The following HLCS variants were observed in gnomAD, a reference collection of about 807,000 sequenced individuals.
The protein encoded by HLCS is holocarboxylase synthetase.
HLCS carries 53 observed loss-of-function variants against 75.0 expected under a neutral mutation model. That is an observed-to-expected ratio of 0.71 (90% confidence interval 0.57 to 0.89). The LOEUF (loss-of-function observed/expected upper bound fraction) is 0.89. Ranked by LOEUF, HLCS falls within the 40% of genes least tolerant of loss-of-function variation. The pLI is 0.00. For synonymous variants in HLCS, 431 were observed against 428.6 expected, an observed-to-expected ratio of 1.01 and a Z score of -0.07; for missense variants, 966 against 1,074.0, an observed-to-expected ratio of 0.90 and a Z score of 1.41.
At chr21:36,966,797 A>C (rs1262066920), upstream of HLCS, among the ~76,000 whole-genome samples, 4 of 118,722 alleles carry the variant, frequency 3.4e-5, no homozygotes, top group Admixed American at 8.7e-5. Context: ...GACGCGGGCA[A>C]CTGGAGGCTG....
At chr21:36,987,673 CTTTTT>C (rs1474705430) in intron 1 of HLCS, among the ~76,000 whole-genome samples, 1 of 152,094 alleles carries the variant, frequency 6.6e-6, no homozygotes, top group Non-Finnish European at 1.5e-5. Flanking sequence ...ATAAAGGTTC[CTTTTT>C]TATCTTTGTA....
intron 5 of HLCS, among the ~76,000 whole-genome samples, chr21:36,920,994 G>A (rs1270100990): frequency 2.0e-5 from 3 of 151,130 alleles, no homozygotes; most frequent in South Asian, 2.1e-4. Flanking sequence ...TCTTATTTAC[G>A]GAAATTAAAA....
intron 1 of HLCS, among the ~76,000 whole-genome samples, chr21:36,982,238 T>A (rs1477227876): frequency 6.6e-6 from 1 of 152,220 alleles, no homozygotes; most frequent in Non-Finnish European, 1.5e-5. Context: ...CTACTTTGTT[T>A]AGCCATTCTC....
chr21:36,820,379 CCGA>C (rs2061798876), intron 6 of HLCS, among the ~76,000 whole-genome samples: 1 of 151,506 alleles, frequency 6.6e-6, no homozygotes, highest in Non-Finnish European at 1.5e-5. Flanking sequence ...GGCCGGGCCG[CCGA>C]CTGGGATTCC....
rs2089290409 is a variant in HLCS at position 36,749,267 on chromosome 21, C to T, written c.*4979G>A. 2.6e-5 allele frequency: 4 copies of T among 152,702 alleles called. No individual in the cohort carries two copies. The highest frequency in any genetic ancestry group is 4.8e-5 in the African/African-American group (2 of 41,556). 9.5% of individuals were successfully genotyped at this position (152,702 alleles called of 1,614,324 possible). On this transcript the variant is annotated 3_prime_UTR_variant, in exon 11 of 11. Coordinates refer to ENST00000674895, the MANE Select transcript of HLCS (RefSeq NM_001352514.2). ...CTCTGAACTGCACAATGCATTGAACCGCCGTCCTTCAATTTTCTTCACACT... is the reference window on the plus strand; with the variant it reads ...CTCTGAACTGCACAATGCATTGAACTGCCGTCCTTCAATTTTCTTCACACT...
At chr21:36,876,588 T>C (rs984348116) in intron 6 of HLCS, among the ~76,000 whole-genome samples, 4 of 152,232 alleles carry the variant, frequency 2.6e-5, no homozygotes, top group Non-Finnish European at 4.4e-5. Flanking sequence ...TATTGATTTC[T>C]AATTTAATTC....
At chr21:36,847,377 C>A (rs994858458) in intron 6 of HLCS, among the ~76,000 whole-genome samples, 1 of 152,178 alleles carries the variant, frequency 6.6e-6, no homozygotes, top group Non-Finnish European at 1.5e-5. Context: ...AGCACAGACT[C>A]GTTTCTATGA....
At chr21:36,911,748 CAAAAAAA>C (rs11287408) in intron 5 of HLCS, among the ~76,000 whole-genome samples, 1 of 47,830 alleles carries the variant, frequency 2.1e-5, no homozygotes. Flanking sequence ...GACTCCGTCT[CAAAAAAA>C]AAAAAAAAAA....
At chr21:36,857,373 G>C (rs961488724) in intron 6 of HLCS, among the ~76,000 whole-genome samples, 1 of 152,206 alleles carries the variant, frequency 6.6e-6, no homozygotes, top group Non-Finnish European at 1.5e-5. Flanking sequence ...CAGAAGGCAG[G>C]AGTGGGGTAG....
chr21:36,917,128 A>G (rs2065967444), intron 5 of HLCS, among the ~76,000 whole-genome samples: 2 of 151,916 alleles, frequency 1.3e-5, no homozygotes, highest in Non-Finnish European at 2.9e-5. Context: ...AAATTGGGGG[A>G]GAAATAAAGG....
intron 6 of HLCS, among the ~76,000 whole-genome samples, chr21:36,869,704 A>G (rs1160400380): frequency 6.6e-6 from 1 of 152,182 alleles, no homozygotes; most frequent in Non-Finnish European, 1.5e-5. Context: ...CCACCCTAAA[A>G]TAAATTTTCT....
At chr21:36,808,269 C>A (rs1047549447) in intron 6 of HLCS, among the ~76,000 whole-genome samples, 3 of 152,008 alleles carry the variant, frequency 2.0e-5, no homozygotes, top group South Asian at 2.1e-4. Context: ...CTTCAAAAAC[C>A]CAAGGTTAAA....
intron 5 of HLCS, among the ~76,000 whole-genome samples, chr21:36,915,931 C>T (rs1031444954): frequency 6.6e-6 from 1 of 152,034 alleles, no homozygotes; most frequent in Non-Finnish European, 1.5e-5. Flanking sequence ...GGAAGCAGCT[C>T]CCAATCCATT....
At chr21:36,766,038 C>G (rs1347253669) in intron 7 of HLCS, among the ~76,000 whole-genome samples, 1 of 152,060 alleles carries the variant, frequency 6.6e-6, no homozygotes, top group African/African-American at 2.4e-5. Flanking sequence ...TACTTCCTTT[C>G]TTTCTTCCTT....
intron 1 of HLCS, among the ~76,000 whole-genome samples, chr21:36,976,954 T>C (rs1403862938): frequency 2.0e-5 from 3 of 152,134 alleles, no homozygotes; most frequent in Non-Finnish European, 2.9e-5. Context: ...ATTTACAATA[T>C]GATGCAATCT....
chr21:36,761,153 C>T (rs2089825929), intron 8 of HLCS, among the ~76,000 whole-genome samples: 1 of 152,234 alleles, frequency 6.6e-6, no homozygotes, highest in South Asian at 2.1e-4. Flanking sequence ...GGTGCTAGCG[C>T]ATCCCCAGGG....
At chr21:36,987,466 A>C (rs2069248980) in intron 1 of HLCS, among the ~76,000 whole-genome samples, 1 of 152,144 alleles carries the variant, frequency 6.6e-6, no homozygotes, top group African/African-American at 2.4e-5. Flanking sequence ...TACAAAAATT[A>C]GCCAGGTGTG....
At chr21:36,945,933 C>A (rs964720428) in intron 2 of HLCS, 3 of 167,338 alleles carry the variant, frequency 1.8e-5, no homozygotes, top group Non-Finnish European at 3.7e-5. Flanking sequence ...TGGTTAAGAG[C>A]GTGTGACCTG....
Position 36,837,077 on chromosome 21 carries a change from G to A in HLCS, c.1892+59783C>T, listed in dbSNP as rs1403513098. ...ATGTGCCTGTAATCCCAGCTACTCT[G>A]GAGGCTGAGGCAGAAGAATCGCTTG... On this transcript the variant is annotated intron_variant, in intron 6 of 10. Transcript: ENST00000674895. Among the ~76,000 whole-genome samples the A allele has an allele frequency of 7.2e-5, 11 of 152,174 alleles. No homozygotes were observed. The East Asian group carries it at 1.9e-3, about 27-fold the overall frequency.
Sources: gnomAD v4.1 joint callset for allele counts (sites outside exome capture counted in the v4.1 genomes callset) on GRCh38, gnomAD v4.1.1 for gene constraint, MANE v1.5 for transcripts, NCBI Gene and HGNC (gene_info 2026-07-23, HGNC 2026-07-21) for gene names.